TBC1D5: variants seen among roughly 807,000 people sequenced by gnomAD.
The protein encoded by TBC1D5 is TBC1 domain family, member 5.
In TBC1D5, 75 loss-of-function variants were observed where a neutral mutation model predicts 100.3. The observed-to-expected ratio is 0.75, with a 90% CI of 0.62 to 0.91. The LOEUF (loss-of-function observed/expected upper bound fraction) is 0.91. Among genes scored for constraint, TBC1D5 ranks in the 40% least tolerant of loss-of-function variants. The probability of loss-of-function intolerance (pLI) is 0.00; values close to 1 mark genes in which losing one functional copy is unlikely to be tolerated. For synonymous variants in TBC1D5, 323 were observed against 325.6 expected, an observed-to-expected ratio of 0.99 and a Z score of 0.09; for missense variants, 910 against 942.4, an observed-to-expected ratio of 0.97 and a Z score of 0.45.
intron 21 of TBC1D5, among the ~76,000 whole-genome samples, chr3:17,163,264 CCT>C (rs143769462): frequency 0.72 from 99,012 of 138,370 alleles, 34,475 homozygotes; most frequent in South Asian, 0.89. Context: ...GACCCCCCCC[CCT>C]TCCTTGCCCC....
chr3:17,737,979 ATC>A, intron 1 of TBC1D5, among the ~76,000 whole-genome samples: 1 of 152,324 alleles, frequency 6.6e-6, no homozygotes, highest in Admixed American at 6.5e-5. Context: ...GATGTTTTTC[ATC>A]CAAACTAATG....
At chr3:17,392,992 G>A (rs58286882) in intron 8 of TBC1D5, among the ~76,000 whole-genome samples, 13,740 of 151,952 alleles carry the variant, frequency 0.09, 1,436 homozygotes, top group African/African-American at 0.26. Context: ...AAGCATTCCC[G>A]TTTCTCCACA....
At chr3:17,263,580 T>C (rs1456827335) in intron 15 of TBC1D5, among the ~76,000 whole-genome samples, 1 of 152,146 alleles carries the variant, frequency 6.6e-6, no homozygotes. Context: ...TTGTTGAAAC[T>C]CTATTTACAG....
At chr3:17,524,800 G>A (rs1040015701) in intron 2 of TBC1D5, 11 of 152,334 alleles carry the variant, frequency 7.2e-5, no homozygotes, top group African/African-American at 2.4e-4. Context: ...GGAGGCAGAG[G>A]TTGCAGTGAG....
At chr3:17,677,588 C>T (rs1479567868) in intron 1 of TBC1D5, among the ~76,000 whole-genome samples, 1 of 152,154 alleles carries the variant, frequency 6.6e-6, no homozygotes, top group Non-Finnish European at 1.5e-5. Flanking sequence ...GACAGTGTGG[C>T]AATTCCTCAA....
chr3:17,713,402 C>T (rs772349666), intron 1 of TBC1D5, among the ~76,000 whole-genome samples: 6 of 152,072 alleles, frequency 3.9e-5, no homozygotes, highest in South Asian at 2.1e-4. Context: ...TCACCACGCC[C>T]GGCTAATTTT....
intron 18 of TBC1D5, among the ~76,000 whole-genome samples, chr3:17,191,401 AATTTT>A (rs1281194411): frequency 6.6e-6 from 1 of 152,186 alleles, no homozygotes; most frequent in Non-Finnish European, 1.5e-5. Context: ...AATAAATGTG[AATTTT>A]ATTGTCTCTG....
chr3:17,313,739 A>C (rs1374230730), intron 13 of TBC1D5, among the ~76,000 whole-genome samples: 2 of 152,220 alleles, frequency 1.3e-5, no homozygotes, highest in Non-Finnish European at 2.9e-5. Flanking sequence ...GGATCTATTC[A>C]GGGATGAAAG....
chr3:17,683,414 T>C (rs1414867969), intron 1 of TBC1D5, among the ~76,000 whole-genome samples: 1 of 151,384 alleles, frequency 6.6e-6, no homozygotes, highest in Non-Finnish European at 1.5e-5. Context: ...AATTCTTCTT[T>C]TGTATGTAAT....
chr3:17,696,522 T>C (rs1434438689), intron 1 of TBC1D5, among the ~76,000 whole-genome samples: 4 of 152,054 alleles, frequency 2.6e-5, no homozygotes, highest in East Asian at 3.9e-4. Context: ...AATTCCTGGA[T>C]ACATACAAGA....
chr3:17,696,483 T>A (rs1186333863), intron 1 of TBC1D5, among the ~76,000 whole-genome samples: 1 of 152,068 alleles, frequency 6.6e-6, no homozygotes, highest in Admixed American at 6.6e-5. Flanking sequence ...TCTAGGCAAA[T>A]AAACTAGAAA....
At chr3:17,268,419 A>G (rs2079047292) in intron 15 of TBC1D5, among the ~76,000 whole-genome samples, 1 of 152,080 alleles carries the variant, frequency 6.6e-6, no homozygotes, top group Non-Finnish European at 1.5e-5. Context: ...AATGTTTTAA[A>G]AAATGCATAA....
chr3:17,701,330 G>T (rs2073165860), intron 1 of TBC1D5, among the ~76,000 whole-genome samples: 1 of 152,122 alleles, frequency 6.6e-6, no homozygotes, highest in South Asian at 2.1e-4. Flanking sequence ...CTGTTAGGGG[G>T]TAGGGGGCTG....
chr3:17,416,841 C>T (rs1360085477), intron 4 of TBC1D5, among the ~76,000 whole-genome samples: 2 of 152,066 alleles, frequency 1.3e-5, no homozygotes, highest in Admixed American at 1.3e-4. Flanking sequence ...ATTGGTTACC[C>T]CAAAATGGTC....
At chr3:17,358,078 C>T (rs530260537) in intron 13 of TBC1D5, among the ~76,000 whole-genome samples, 1 of 152,282 alleles carries the variant, frequency 6.6e-6, no homozygotes, top group South Asian at 2.1e-4. Context: ...CATCTTCATG[C>T]TTGGAAACTG....
intron 3 of TBC1D5, among the ~76,000 whole-genome samples, chr3:17,446,020 A>C (rs751244501): frequency 2.7e-4 from 41 of 152,258 alleles, no homozygotes; most frequent in Admixed American, 9.8e-4. Flanking sequence ...TTTTAAAGTC[A>C]TTGTATTTTG....
At chr3:17,623,419 T>G (rs2062832459) in intron 2 of TBC1D5, among the ~76,000 whole-genome samples, 2 of 152,212 alleles carry the variant, frequency 1.3e-5, no homozygotes, top group African/African-American at 4.8e-5. Flanking sequence ...AACAATTAAC[T>G]TTCATTAACA....
intron 2 of TBC1D5, among the ~76,000 whole-genome samples, chr3:17,520,922 T>C (rs1417477207): frequency 6.6e-6 from 1 of 152,098 alleles, no homozygotes; most frequent in Admixed American, 6.6e-5. Flanking sequence ...AAAGAACTCA[T>C]CCAAAGGCAG....
At chr3:17,611,544 A>G (rs2061668410) in intron 2 of TBC1D5, among the ~76,000 whole-genome samples, 1 of 152,226 alleles carries the variant, frequency 6.6e-6, no homozygotes, top group African/African-American at 2.4e-5. Context: ...AGATGAAGGC[A>G]TGATCAGCAA....
Sources: allele counts gnomAD v4.1 joint callset (sites outside exome capture counted in the v4.1 genomes callset), GRCh38; gene constraint gnomAD v4.1.1; transcripts MANE v1.5; gene names NCBI Gene and HGNC (gene_info 2026-07-23, HGNC 2026-07-21).